The following EMP3 variants were observed in gnomAD, a reference collection of about 807,000 sequenced individuals.
EMP3 encodes epithelial membrane protein 3.
Under a neutral mutation model 21.6 loss-of-function variants are expected in EMP3, and 15 were observed. That is an observed-to-expected ratio of 0.69 (90% CI 0.46 to 1.07). EMP3 has a LOEUF of 1.07. EMP3 is among the 50% of genes least tolerant of loss of function. The pLI is 0.00. For missense variants in EMP3, 183 were observed against 206.6 expected, an observed-to-expected ratio of 0.89 and a Z score of 0.70; for synonymous variants, 107 against 86.1, an observed-to-expected ratio of 1.24 and a Z score of -1.34.
At chr19:48,328,411 CAAAAAAAAA>C (rs746709296) in intron 3 of EMP3, among the ~76,000 whole-genome samples, 1 of 80,676 alleles carries the variant, frequency 1.2e-5, no homozygotes, top group Non-Finnish European at 2.4e-5. Flanking sequence ...GATTCTGTCT[CAAAAAAAAA>C]AAAAAAAAAA....
chr19:48,330,161 G>T, intron 4 of EMP3, 140 bp from the exon 5 acceptor site: 1 of 1,260,708 alleles, frequency 7.9e-7, no homozygotes, highest in East Asian at 2.8e-5. Context: ...CACGGCGCTG[G>T]GCGGGGGGGA....
chr19:48,327,054 C>CCCTTGTCTCAA, intron 2 of EMP3, 132 bp downstream of exon 2: 5 of 808,456 alleles, frequency 6.2e-6, no homozygotes, highest in South Asian at 1.6e-5. Context: ...TATTTTGAGA[C>CCCTTGTCTCAA]AAGGGTCTCA....
At position 48,329,471 on chromosome 19, in the gene EMP3, G is replaced by A. The variant is rs372202129; in HGVS notation, c.301G>A (p.Gly101Ser). 38 of 1,613,926 alleles carry A rather than the reference G, an allele frequency of 2.4e-5. No individual in the cohort carries two copies. The highest frequency in any genetic ancestry group is 1.6e-4 in the East Asian group (7 of 44,894). The change falls in exon 4 of 5, where the codon GGC becomes AGC. Residue 101 changes from glycine (G) to serine (S), a missense_variant. Physicochemically the swap from Gly to Ser is moderately conservative, Grantham distance 56. Coordinates refer to ENST00000270221, the MANE Select transcript of EMP3 (RefSeq NM_001425.3). The surrounding 1 kb of genome is among the most constrained non-coding windows in gnomAD (Gnocchi z 4.5). ...MRRGGLFYAT[G>S]LCQLCTSVAV... ...ACGAGGAGGTCTCTTCTATGCCACC[G>A]GCCTCTGCCAGCTTTGCACCAGTGA...
rs1382208406 is a variant in EMP3 at position 48,327,643 on chromosome 19, G to A, written c.181+20G>A. The A allele has an allele frequency of 1.9e-6, 3 of 1,604,742 alleles. No homozygotes were observed. In the African/African-American group the frequency reaches 4.0e-5, roughly 21 times the overall value. On this transcript the variant is annotated intron_variant, in intron 3 of 4. Transcript: ENST00000270221. ...AGAATGGTGAGGGGTGAGGGCGGCG[G>A]GACTGGTCTTCAAAGGGGAAGGTAA...
intron 4 of EMP3, 95 bp from the exon 5 acceptor site, chr19:48,330,206 C>A: frequency 6.9e-7 from 1 of 1,454,802 alleles, no homozygotes; most frequent in Non-Finnish European, 9.0e-7. Context: ...GCGGCGCTGC[C>A]CACGGGCCCT....
intron 2 of EMP3, among the ~76,000 whole-genome samples, 186 bp downstream of exon 2, chr19:48,327,108 C>G (rs1969134819): frequency 6.6e-6 from 1 of 152,174 alleles, no homozygotes; most frequent in African/African-American, 2.4e-5. Flanking sequence ...TCTCGGCTCA[C>G]TGCAACCTCG....
chr19:48,326,206 G>A (rs1969120583), intron 1 of EMP3, among the ~76,000 whole-genome samples: 1 of 151,996 alleles, frequency 6.6e-6, no homozygotes. Context: ...CCTGTTGCTG[G>A]GGGCAGCTCC....
chr19:48,328,684 T>G (rs1969163511), intron 3 of EMP3, among the ~76,000 whole-genome samples: 2 of 152,312 alleles, frequency 1.3e-5, no homozygotes, highest in Admixed American at 1.3e-4. Context: ...GGAAGTGGTC[T>G]GCTCTCACCA....
chr19:48,327,670 C>A, intron 3 of EMP3, 47 bp downstream of exon 3: 2 of 1,535,384 alleles, frequency 1.3e-6, no homozygotes, highest in Non-Finnish European at 1.8e-6. Context: ...GGAAGGTAAA[C>A]CCTTCGTGTC....
chr19:48,327,605 A>G lies in EMP3; in HGVS notation c.163A>G (p.Ser55Gly), dbSNP rs1340293536. ...WNNDTKTWAC[S>G]NVSENGWLKA... ...CAACGACACCAAAACATGGGCCTGC[A>G]GTAATGTCAGCGAGAATGGTGAGGG... Residue 55 changes from serine (S) to glycine (G), a missense_variant, in exon 3 of 5, where the codon AGT (serine) becomes GGT (glycine). Transcript: ENST00000270221. The G allele has an allele frequency of 1.2e-6, 2 of 1,613,886 alleles. No individual in the cohort carries two copies. The highest frequency in any genetic ancestry group is 2.2e-5 in the South Asian group (2 of 91,020).
chr19:48,327,196 C>T (rs1222218936), intron 2 of EMP3, among the ~76,000 whole-genome samples: 6 of 151,956 alleles, frequency 3.9e-5, no homozygotes, highest in African/African-American at 1.5e-4. Context: ...CCAAGCCCGG[C>T]TAATTTTTTT....
intron 1 of EMP3, among the ~76,000 whole-genome samples, chr19:48,326,493 AT>A (rs34741493): frequency 7.6e-4 from 109 of 144,344 alleles, no homozygotes; most frequent in South Asian, 1.5e-3. Context: ...TTTATGCCAA[AT>A]TTTTTTTTTT....
chr19:48,330,536 A>C lies in EMP3; in HGVS notation c.*66A>C. Reference sequence around the variant, plus strand: ...CCCCTCGCCGCGCGTCCTCCAAAAAATAAAACCTTAACCGCGGGCTCTGCC... The same window carrying C: ...CCCCTCGCCGCGCGTCCTCCAAAAACTAAAACCTTAACCGCGGGCTCTGCC... On this transcript the variant is annotated 3_prime_UTR_variant, in exon 5 of 5. Coordinates refer to ENST00000270221, the MANE Select transcript of EMP3 (RefSeq NM_001425.3). 1 of 1,434,380 alleles carries C rather than the reference A, an allele frequency of 7.0e-7. No homozygotes were observed. The highest frequency in any genetic ancestry group is 1.5e-5 in the African/African-American group (1 of 68,014). The allele number at this position is 1,434,380 out of a possible 1,614,324, so 88.9% of individuals were successfully genotyped here. A position where few individuals can be genotyped will look rare whatever the true frequency, so the allele number is the denominator to read the frequency against.
chr19:48,330,230 GC>G (rs1166873899), intron 4 of EMP3, 70 bp from the exon 5 acceptor site: 2 of 1,470,010 alleles, frequency 1.4e-6, no homozygotes, highest in African/African-American at 1.5e-5. Context: ...GCGCTTCTTT[GC>G]CCCCATGGGA....
In EMP3 at chr19:48,329,413, C is replaced by G. The variant is rs1367642341; in HGVS notation, c.243C>G (p.Phe81Leu). ...CCCTCATTCTCTGCTGTCTCTCCTT[C>G]ATCCTGTTCATGTTCCAGCTCTACA... ...VLSLILCCLSFILFMFQLYTM... is the reference protein window; with the variant it reads ...VLSLILCCLSLILFMFQLYTM... Residue 81 changes from phenylalanine (F) to leucine (L), a missense_variant, in exon 4 of 5, where the codon TTC becomes TTG. Transcript: ENST00000270221. This position sits in a 1 kb window ranked among gnomAD's most constrained non-coding sequence, Gnocchi z 4.5. 6.2e-7 allele frequency: 1 copy of G among 1,612,774 alleles called. No individual in the cohort carries two copies. Among genetic ancestry groups the G allele is most frequent in the Non-Finnish European group, 8.5e-7 (1 of 1,179,676 alleles).
Position 48,329,557 on chromosome 19 carries a change from A to G in EMP3, c.322+65A>G, listed in dbSNP as rs1411041016. On this transcript the variant is annotated intron_variant, in intron 4 of 4. Transcript: ENST00000270221. This position sits in a 1 kb window ranked among gnomAD's most constrained non-coding sequence, Gnocchi z 4.5. Reference sequence around the variant, plus strand: ...TGAGCAGAAGGGAGTGGGGTGTGTCAAGATGCTGGGGGCCCTGAGAATGGG... The same window carrying G: ...TGAGCAGAAGGGAGTGGGGTGTGTCGAGATGCTGGGGGCCCTGAGAATGGG... 2.5e-6 allele frequency: 4 copies of G among 1,585,900 alleles called. No homozygotes were observed. The African/African-American group carries it at 4.1e-5, about 16-fold the overall frequency.
chr19:48,330,476 C>T lies in EMP3; in HGVS notation c.*6C>T. The T allele has an allele frequency of 1.3e-6, 2 of 1,575,860 alleles. No individual in the cohort carries two copies. The highest frequency in any genetic ancestry group is 1.7e-6 in the Non-Finnish European group (2 of 1,166,124). ...ACCTACGGAAGCGGGAGTGAGCGCCCCGCCTCGCTCGGCTGCCCCCGCCCC... is the reference window on the plus strand; with the variant it reads ...ACCTACGGAAGCGGGAGTGAGCGCCTCGCCTCGCTCGGCTGCCCCCGCCCC... On this transcript the variant is annotated 3_prime_UTR_variant, in exon 5 of 5. Coordinates refer to ENST00000270221, the MANE Select transcript of EMP3 (RefSeq NM_001425.3).
At position 48,327,628 on chromosome 19, in the gene EMP3, G is replaced by T. The variant is rs867833586; in HGVS notation, c.181+5G>T. On this transcript the variant is annotated splice_donor_5th_base_variant and intron_variant, in intron 3 of 4. Transcript: ENST00000270221. ...GCAGTAATGTCAGCGAGAATGGTGAGGGGTGAGGGCGGCGGGACTGGTCTT... is the reference window on the plus strand; with the variant it reads ...GCAGTAATGTCAGCGAGAATGGTGATGGGTGAGGGCGGCGGGACTGGTCTT... 1.2e-6 allele frequency: 2 copies of T among 1,613,110 alleles called. No individual in the cohort carries two copies. The highest frequency in any genetic ancestry group is 1.7e-6 in the Non-Finnish European group (2 of 1,179,460).
Position 48,327,584 on chromosome 19 carries a change from G to T in EMP3, c.142G>T (p.Asp48Tyr). ...NLWYDCTWNN[D>Y]TKTWACSNVS... ...CTGGTACGACTGCACGTGGAACAAC[G>T]ACACCAAAACATGGGCCTGCAGTAA... The change falls in exon 3 of 5, where the codon GAC becomes TAC. Residue 48 changes from aspartate (D) to tyrosine (Y), a missense_variant. Asp to Tyr is a radical substitution (Grantham distance 160, BLOSUM62 -3). Transcript: ENST00000270221. 1 of 1,613,934 alleles carries T rather than the reference G, an allele frequency of 6.2e-7. No individual in the cohort carries two copies. The highest frequency in any genetic ancestry group is 1.1e-5 in the South Asian group (1 of 91,030).
Sources: gnomAD v4.1 joint callset for allele counts (sites outside exome capture counted in the v4.1 genomes callset) on GRCh38, gnomAD v4.1.1 for gene constraint, Gnocchi (gnomAD v3.1) non-coding constraint, MANE v1.5 for transcripts, NCBI Gene and HGNC (gene_info 2026-07-23, HGNC 2026-07-21) for gene names.